Variants in MYO1D observed in about 807,000 individuals in gnomAD.
MYO1D encodes the protein unconventional myosin-Id.
MYO1D carries 83 observed loss-of-function variants against 122.0 expected under a neutral mutation model. The ratio of observed to expected loss-of-function variants is 0.68; its 90% confidence interval spans 0.57 to 0.82. The LOEUF is 0.82. Ranked by LOEUF, MYO1D falls within the 40% of genes least tolerant of loss-of-function variation. MYO1D has a pLI of 0.00. For missense variants in MYO1D, 1,157 were observed against 1,269.5 expected, an observed-to-expected ratio of 0.91 and a Z score of 1.35; for synonymous variants, 464 against 446.9, an observed-to-expected ratio of 1.04 and a Z score of -0.48.
intron 1 of MYO1D, among the ~76,000 whole-genome samples, chr17:32,842,523 CTCTCTT>C (rs1392776119): frequency 6.6e-6 from 1 of 152,084 alleles, no homozygotes; most frequent in African/African-American, 2.4e-5. Flanking sequence ...CTCTCTTTCG[CTCTCTT>C]TCTCTTTCTC....
At chr17:32,662,008 C>G (rs1289297297) in intron 16 of MYO1D, among the ~76,000 whole-genome samples, 1 of 152,124 alleles carries the variant, frequency 6.6e-6, no homozygotes. Flanking sequence ...GCTTTATTTA[C>G]TATAAACCTA....
intron 21 of MYO1D, among the ~76,000 whole-genome samples, chr17:32,600,009 C>T (rs531443729): frequency 2.0e-5 from 3 of 152,184 alleles, no homozygotes; most frequent in South Asian, 2.1e-4. Flanking sequence ...CCTTTATCCA[C>T]GGGCTGCACA....
intron 16 of MYO1D, among the ~76,000 whole-genome samples, chr17:32,666,497 C>CGTTA (rs2088637230): frequency 6.6e-6 from 1 of 152,136 alleles, no homozygotes; most frequent in Admixed American, 6.5e-5. Context: ...TTCATAATGC[C>CGTTA]ATCTTAATTC....
chr17:32,870,087 T>TAGTCTCGGAAATC (rs1316918401), intron 1 of MYO1D, among the ~76,000 whole-genome samples: 1 of 151,994 alleles, frequency 6.6e-6, no homozygotes, highest in Non-Finnish European at 1.5e-5. Context: ...TGAATAAAAA[T>TAGTCTCGGAAATC]AGTCTCGGAA....
chr17:32,681,090 T>C (rs2150966884), intron 16 of MYO1D, among the ~76,000 whole-genome samples: 1 of 152,292 alleles, frequency 6.6e-6, no homozygotes. Context: ...GTGGGATTGG[T>C]GGTGATATCC....
intron 13 of MYO1D, among the ~76,000 whole-genome samples, chr17:32,740,682 C>T (rs895979500): frequency 1.3e-5 from 2 of 152,088 alleles, no homozygotes; most frequent in East Asian, 1.9e-4. Context: ...CCTATGTTGT[C>T]CAGGCTGGTC....
At chr17:32,684,830 G>A (rs543211486) in intron 16 of MYO1D, among the ~76,000 whole-genome samples, 3 of 152,294 alleles carry the variant, frequency 2.0e-5, no homozygotes, top group Non-Finnish European at 2.9e-5. Context: ...ACAACTTGAT[G>A]CATGAAAATG....
intron 14 of MYO1D, chr17:32,727,460 T>A (rs2089590602): frequency 6.6e-6 from 1 of 152,182 alleles, no homozygotes; most frequent in South Asian, 2.1e-4. Flanking sequence ...CCAAGACAGA[T>A]GCAATTTACT....
chr17:32,847,072 A>G (rs2090944811), intron 1 of MYO1D, among the ~76,000 whole-genome samples: 1 of 152,252 alleles, frequency 6.6e-6, no homozygotes, highest in Non-Finnish European at 1.5e-5. Context: ...TTACAGAATC[A>G]TAACATTAAA....
intron 1 of MYO1D, among the ~76,000 whole-genome samples, chr17:32,839,704 G>C (rs2090860334): frequency 6.6e-6 from 1 of 152,172 alleles, no homozygotes; most frequent in African/African-American, 2.4e-5. Context: ...ACATAATTCT[G>C]TGAGTGGACA....
At chr17:32,574,962 C>T (rs1022589534) in intron 21 of MYO1D, among the ~76,000 whole-genome samples, 1 of 152,150 alleles carries the variant, frequency 6.6e-6, no homozygotes, top group Non-Finnish European at 1.5e-5. Flanking sequence ...ATAAATATGT[C>T]TACCTTGTAA....
intron 21 of MYO1D, among the ~76,000 whole-genome samples, chr17:32,542,948 C>T (rs1322688728): frequency 1.3e-5 from 2 of 152,146 alleles, no homozygotes; most frequent in African/African-American, 2.4e-5. Flanking sequence ...GTATCTGGGC[C>T]GGGCACGGTG....
chr17:32,785,123 TA>T (rs1194559768), intron 1 of MYO1D, among the ~76,000 whole-genome samples: 1 of 152,130 alleles, frequency 6.6e-6, no homozygotes, highest in East Asian at 1.9e-4. Flanking sequence ...GACAGAATCT[TA>T]AAACCTACTG....
chr17:32,677,894 C>A (rs573501593), intron 16 of MYO1D, among the ~76,000 whole-genome samples: 3 of 152,146 alleles, frequency 2.0e-5, no homozygotes, highest in Admixed American at 2.0e-4. Context: ...TTTAATTCAT[C>A]TCAACTGGCT....
At chr17:32,672,058 A>G (rs1356679557) in intron 16 of MYO1D, among the ~76,000 whole-genome samples, 1 of 152,218 alleles carries the variant, frequency 6.6e-6, no homozygotes, top group Non-Finnish European at 1.5e-5. Context: ...ATGATGTGGT[A>G]TTTGGCAGAT....
chr17:32,816,664 T>G lies in MYO1D; in HGVS notation c.96-35880A>C, dbSNP rs1035891021. The stretch of plus-strand genomic sequence containing the variant: ...TTTCTCTAAACATATTTATACTATG[T>G]ATTTACAATTAGTAAATCCTGAGTT... On this transcript the variant is annotated intron_variant, in intron 1 of 21. Transcript: ENST00000318217. 2.0e-5 allele frequency among the ~76,000 whole-genome samples: 3 copies of G among 152,360 alleles called. 1 individual carries two copies. The South Asian group carries it at 6.2e-4, about 32-fold the overall frequency.
chr17:32,864,980 C>T (rs1374037509), intron 1 of MYO1D, among the ~76,000 whole-genome samples: 1 of 152,086 alleles, frequency 6.6e-6, no homozygotes, highest in East Asian at 1.9e-4. Context: ...CTATTCTAGA[C>T]ATTTTTTGAA....
At chr17:32,532,502 T>C (rs1597880322) in intron 21 of MYO1D, among the ~76,000 whole-genome samples, 1 of 151,588 alleles carries the variant, frequency 6.6e-6, no homozygotes, top group Non-Finnish European at 1.5e-5. Context: ...CTGAGGTGGG[T>C]GGATCATGAG....
At position 32,755,666 on chromosome 17, in the gene MYO1D, T is replaced by G. The variant is rs916128343; in HGVS notation, c.1297-4A>C. 1 of 1,611,472 alleles carries G rather than the reference T, an allele frequency of 6.2e-7. No homozygotes were observed. The highest frequency in any genetic ancestry group is 1.3e-5 in the African/African-American group (1 of 74,846). On this transcript the variant is annotated splice_polypyrimidine_tract_variant and splice_region_variant and intron_variant, in intron 10 of 21. Transcript: ENST00000318217. ...TCTGATTGTTGAAGTAGTCAATCTG[T>G]AGGACACAGCAAGGAGGGAATTCTG...
Sources: gnomAD v4.1 joint callset for allele counts (sites outside exome capture counted in the v4.1 genomes callset) on GRCh38, gnomAD v4.1.1 for gene constraint, MANE v1.5 for transcripts, NCBI Gene and HGNC (gene_info 2026-07-23, HGNC 2026-07-21) for gene names.